Variants in SZRD1 observed in about 807,000 individuals in gnomAD.
SZRD1 encodes SUZ RNA binding domain containing 1.
Under a neutral mutation model 17.6 loss-of-function variants are expected in SZRD1, and 7 were observed. That is an observed-to-expected ratio of 0.40 (90% CI 0.23 to 0.75). The LOEUF (loss-of-function observed/expected upper bound fraction) is 0.75. Ranked by LOEUF, SZRD1 falls within the 30% of genes least tolerant of loss-of-function variation. The pLI, the probability that SZRD1 is intolerant of heterozygous loss-of-function variation, is 0.38. For synonymous variants in SZRD1, 77 were observed against 77.9 expected (o/e 0.99, Z 0.06); for missense variants, 178 against 201.8 (o/e 0.88, Z 0.71).
At chr1:16,372,411 T>G (rs2082929959) in intron 1 of SZRD1, among the ~76,000 whole-genome samples, 1 of 152,118 alleles carries the variant, frequency 6.6e-6, no homozygotes, top group Admixed American at 6.6e-5. Context: ...AGGCAGAGGT[T>G]GCAGTGAGCA....
intron 1 of SZRD1, among the ~76,000 whole-genome samples, chr1:16,389,150 C>T (rs2085179605): frequency 1.4e-5 from 2 of 143,946 alleles, no homozygotes; most frequent in South Asian, 4.5e-4. Flanking sequence ...GTGGCACGAT[C>T]TCAGCTCACT....
intron 1 of SZRD1, among the ~76,000 whole-genome samples, chr1:16,379,030 T>TTA (rs2083050122): frequency 1.3e-5 from 2 of 150,730 alleles, no homozygotes; most frequent in African/African-American, 4.9e-5. Context: ...CCCGACCTCC[T>TTA]TATATCCTAC....
At chr1:16,382,002 C>G (rs926681754) in intron 1 of SZRD1, among the ~76,000 whole-genome samples, 8 of 152,136 alleles carry the variant, frequency 5.3e-5, no homozygotes, top group African/African-American at 1.9e-4. Context: ...GGCCCAGAGG[C>G]TGGAGCATGA....
chr1:16,367,482 C>T (rs984535209), intron 1 of SZRD1, among the ~76,000 whole-genome samples, 174 bp downstream of exon 1: 1 of 150,688 alleles, frequency 6.6e-6, no homozygotes, highest in African/African-American at 2.4e-5. Flanking sequence ...AAAGGGGCCG[C>T]GATCCATTTC....
intron 1 of SZRD1, among the ~76,000 whole-genome samples, chr1:16,374,483 C>A (rs1237656941): frequency 1.3e-5 from 2 of 152,220 alleles, no homozygotes; most frequent in African/African-American, 4.8e-5. Context: ...AGAGAGCTGC[C>A]ATGGTTGCCG....
Position 16,391,360 on chromosome 1 carries a change from AT to A in SZRD1, c.52-8del. 4 of 1,530,580 alleles carry A rather than the reference AT, an allele frequency of 2.6e-6. No homozygotes were observed. Among genetic ancestry groups the A allele is most frequent in the Non-Finnish European group, 3.5e-6 (4 of 1,131,520 alleles). 94.8% of individuals were successfully genotyped at this position (1,530,580 alleles called of 1,614,324 possible). ...GAGATTTTTTCCTCTTTTTATATAC[AT>A]TTTTTTCCTCTAGGAAATAGACAGA... On this transcript the variant is annotated splice_polypyrimidine_tract_variant and intron_variant, in intron 1 of 3. Coordinates refer to ENST00000401088, the MANE Select transcript of SZRD1 (RefSeq NM_001114600.3). The surrounding 1 kb of genome is among the most constrained non-coding windows in gnomAD (Gnocchi z 4.3).
At chr1:16,389,080 CTTTT>C (rs779460255) in intron 1 of SZRD1, among the ~76,000 whole-genome samples, 1 of 114,890 alleles carries the variant, frequency 8.7e-6, no homozygotes. Context: ...TAGTTATTTC[CTTTT>C]TTTTTTTTTT....
rs1275596478 is a variant in SZRD1, at chr1:16,393,155, G to C, written c.102-73G>C. 2 of 1,554,082 alleles carry C rather than the reference G, an allele frequency of 1.3e-6. No individual in the cohort carries two copies. The highest frequency in any genetic ancestry group is 1.8e-6 in the Non-Finnish European group (2 of 1,137,070). ...GGGAGGGAGAGGAAAGTGATGAGAG[G>C]TGGGTGTGGGACATGGACAGGGCCT... On this transcript the variant is annotated intron_variant, in intron 2 of 3. Transcript: ENST00000401088. This position sits in a 1 kb window ranked among gnomAD's most constrained non-coding sequence, Gnocchi z 5.6.
chr1:16,388,037 T>C (rs1462253850), intron 1 of SZRD1, among the ~76,000 whole-genome samples: 2 of 152,332 alleles, frequency 1.3e-5, no homozygotes, highest in East Asian at 3.9e-4. Flanking sequence ...TGTTCCAAGC[T>C]GGAGCGAGAG....
At chr1:16,389,115 G>T (rs185478509) in intron 1 of SZRD1, among the ~76,000 whole-genome samples, 3 of 129,570 alleles carry the variant, frequency 2.3e-5, no homozygotes, top group African/African-American at 2.9e-5. Flanking sequence ...ACAGAGTCTC[G>T]CTCTGTCGCC....
At chr1:16,373,604 G>GT (rs762266701) in intron 1 of SZRD1, among the ~76,000 whole-genome samples, 2,700 of 142,360 alleles carry the variant, frequency 0.019, 45 homozygotes, top group African/African-American at 0.044. Context: ...AACAAAACAC[G>GT]TTTTTTTTTT....
Position 16,395,431 on chromosome 1 carries a change from CAG to C in SZRD1, c.*296_*297del, listed in dbSNP as rs1193158664. ...AGGTTGGGGGGACCCAGCAAGGACT[CAG>C]AGAGTCAGACAGTGCCACTTGGCCA... On this transcript the variant is annotated 3_prime_UTR_variant, in exon 4 of 4. Coordinates refer to ENST00000401088, the MANE Select transcript of SZRD1 (RefSeq NM_001114600.3). The C allele has an allele frequency of 9.1e-6, 4 of 440,154 alleles. No homozygotes were observed. Among genetic ancestry groups the C allele is most frequent in the Non-Finnish European group, 1.7e-5 (4 of 236,492 alleles). 27.3% of individuals were successfully genotyped at this position (440,154 alleles called of 1,614,324 possible).
At chr1:16,383,308 C>G (rs1277458272) in intron 1 of SZRD1, among the ~76,000 whole-genome samples, 1 of 151,818 alleles carries the variant, frequency 6.6e-6, no homozygotes, top group African/African-American at 2.4e-5. Context: ...GCCTCAAACT[C>G]TTGGACTTAA....
At chr1:16,373,621 CAG>C (rs1382216795) in intron 1 of SZRD1, among the ~76,000 whole-genome samples, 3 of 146,310 alleles carry the variant, frequency 2.1e-5, no homozygotes, top group Non-Finnish European at 4.5e-5. Flanking sequence ...TTTTTTGAGA[CAG>C]GGTCTCACTC....
intron 3 of SZRD1, among the ~76,000 whole-genome samples, 180 bp from the exon 4 acceptor site, chr1:16,394,858 G>C (rs549240279): frequency 4.1e-4 from 62 of 152,326 alleles, no homozygotes; most frequent in Non-Finnish European, 6.0e-4. Flanking sequence ...GGTAGGCTGA[G>C]GTAGGAGGAT....
In SZRD1 at chr1:16,376,635, GTC is replaced by G. The variant is rs1427122683; in HGVS notation, c.51+9331_51+9332del. On this transcript the variant is annotated intron_variant, in intron 1 of 3. Transcript: ENST00000401088. ...AGCCTGGCCAACATGGTGAAACCTT[GTC>G]TCTACTGAAAATACAAAAATTAGCC... Among the ~76,000 whole-genome samples the G allele has an allele frequency of 5.3e-5, 8 of 151,908 alleles. No homozygotes were observed. In the East Asian group the frequency reaches 1.5e-3, roughly 29 times the overall value.
At chr1:16,369,626 C>G (rs759111311) in intron 1 of SZRD1, 5 of 586,308 alleles carry the variant, frequency 8.5e-6, no homozygotes, top group Non-Finnish European at 1.5e-5. Context: ...CTGTGGCTCA[C>G]GCCTGTAATC....
chr1:16,380,519 A>C (rs1024610921), intron 1 of SZRD1, among the ~76,000 whole-genome samples: 2 of 151,458 alleles, frequency 1.3e-5, no homozygotes, highest in Non-Finnish European at 2.9e-5. Context: ...AGGCTACTGG[A>C]GTGCAGTGGC....
At chr1:16,380,931 G>GA (rs1277824129) in intron 1 of SZRD1, among the ~76,000 whole-genome samples, 1 of 146,586 alleles carries the variant, frequency 6.8e-6, no homozygotes, top group Admixed American at 6.8e-5. Flanking sequence ...TTTTTTTAAA[G>GA]AAAAAAATAG....
Sources: gnomAD v4.1 joint callset for allele counts (sites outside exome capture counted in the v4.1 genomes callset) on GRCh38, gnomAD v4.1.1 for gene constraint, Gnocchi (gnomAD v3.1) non-coding constraint, MANE v1.5 for transcripts, NCBI Gene and HGNC (gene_info 2026-07-23, HGNC 2026-07-21) for gene names.